Variants in NRG4 observed in about 807,000 individuals in gnomAD.
NRG4 encodes pro-neuregulin-4, membrane-bound isoform.
In NRG4, 10 loss-of-function variants were observed where a neutral mutation model predicts 15.0. That is an observed-to-expected ratio of 0.67 (90% CI 0.41 to 1.13). NRG4 has a LOEUF of 1.13. NRG4 is among the 50% of genes most tolerant of loss of function. NRG4 has a pLI of 0.00. For missense variants in NRG4, 139 were observed against 140.2 expected (o/e 0.99, Z 0.04); for synonymous variants, 41 against 50.1 (o/e 0.82, Z 0.77).
intron 5 of NRG4, among the ~76,000 whole-genome samples, chr15:76,023,377 T>G (rs1330083811): frequency 6.6e-6 from 1 of 152,204 alleles, no homozygotes; most frequent in African/African-American, 2.4e-5. Flanking sequence ...TCAGATTGAT[T>G]TGGAGACAGG....
At chr15:75,982,807 T>TGAGCCAAAGAGGGGATCCCC (rs1313761935) in intron 3 of NRG4, among the ~76,000 whole-genome samples, 2 of 152,292 alleles carry the variant, frequency 1.3e-5, no homozygotes, top group South Asian at 4.1e-4. Context: ...TGGGTGAGCA[T>TGAGCCAAAGAGGGGATCCCC]GAGCCAAAGA....
intron 1 of NRG4, among the ~76,000 whole-genome samples, chr15:76,059,092 T>C (rs898823379): frequency 2.6e-5 from 4 of 152,060 alleles, no homozygotes; most frequent in Admixed American, 6.5e-5. Context: ...ATACAGCACA[T>C]AAGCAGGTCG....
At chr15:76,044,679 C>T (rs1024253043) in intron 4 of NRG4, among the ~76,000 whole-genome samples, 5 of 148,774 alleles carry the variant, frequency 3.4e-5, no homozygotes, top group Non-Finnish European at 7.4e-5. Context: ...ACTAAAAATA[C>T]AAAAAATTAG....
At chr15:75,999,027 G>A (rs1451027238) in intron 3 of NRG4, among the ~76,000 whole-genome samples, 1 of 152,174 alleles carries the variant, frequency 6.6e-6, no homozygotes, top group Admixed American at 6.6e-5. Context: ...AGAAGAGACT[G>A]CTGTGGGCAT....
At chr15:75,993,324 C>T (rs77414266) in intron 3 of NRG4, among the ~76,000 whole-genome samples, 2,091 of 142,306 alleles carry the variant, frequency 0.015, 57 homozygotes, top group African/African-American at 0.052. Flanking sequence ...TCTCTTTTCT[C>T]CTTCTGGGTT....
intron 4 of NRG4, among the ~76,000 whole-genome samples, chr15:76,042,842 A>C (rs112925175): frequency 1.3e-3 from 192 of 152,230 alleles, no homozygotes; most frequent in Non-Finnish European, 2.3e-3. Flanking sequence ...AAACCAGATA[A>C]AAACACATTT....
chr15:76,044,273 ATTACAG>A lies in NRG4; in HGVS notation c.-105+7788_-105+7793del, dbSNP rs1378128138. 5.3e-5 allele frequency among the ~76,000 whole-genome samples: 8 copies of A among 150,484 alleles called. No individual in the cohort carries two copies. In the South Asian group the frequency reaches 1.3e-3, roughly 24 times the overall value. ...CGCCTCGGCCTCCCAAAGTGCTGGG[ATTACAG>A]GCGTGAGCCACCGCGCCCGGCCACA... On this transcript the variant is annotated intron_variant, in intron 4 of 8. Coordinates refer to the NRG4 transcript ENST00000563910.
At chr15:75,953,590 G>A (rs2032041721) in intron 5 of NRG4, among the ~76,000 whole-genome samples, 1 of 152,178 alleles carries the variant, frequency 6.6e-6, no homozygotes. Context: ...CTTTTAAGGT[G>A]TGTTATTTCT....
chr15:75,953,064 T>A (rs2032007508), intron 5 of NRG4, among the ~76,000 whole-genome samples: 5 of 152,196 alleles, frequency 3.3e-5, no homozygotes, highest in Admixed American at 3.3e-4. Flanking sequence ...TTGCTTGTAC[T>A]TTTAGAATCA....
At chr15:76,019,649 T>C (rs927588848) in intron 5 of NRG4, among the ~76,000 whole-genome samples, 4 of 152,258 alleles carry the variant, frequency 2.6e-5, no homozygotes, top group African/African-American at 9.6e-5. Context: ...CCACCCTGCT[T>C]TGGCTTGCCC....
At chr15:75,971,170 A>G (rs2141832605) in intron 3 of NRG4, 1 of 448,576 alleles carries the variant, frequency 2.2e-6, no homozygotes, top group African/African-American at 2.0e-5. Context: ...GATTACCTGT[A>G]CATATGTGTG....
chr15:76,050,497 A>AATGGCTC (rs1484097618), intron 4 of NRG4, among the ~76,000 whole-genome samples: 1 of 126,856 alleles, frequency 7.9e-6, no homozygotes, highest in Non-Finnish European at 1.6e-5. Flanking sequence ...GCTGGAGTGC[A>AATGGCTC]ATGGCTCACT....
intron 3 of NRG4, among the ~76,000 whole-genome samples, chr15:75,989,001 G>T (rs1009087132): frequency 6.6e-6 from 1 of 151,852 alleles, no homozygotes; most frequent in Admixed American, 6.6e-5. Flanking sequence ...GGGACTACAG[G>T]CACAGCCATC....
chr15:76,047,301 T>C lies in NRG4; in HGVS notation c.-105+4766A>G, dbSNP rs932328087. Among the ~76,000 whole-genome samples the C allele has an allele frequency of 1.0e-4, 15 of 150,700 alleles. 1 individual carries two copies. Among genetic ancestry groups the C allele is most frequent in the African/African-American group, 3.5e-4 (14 of 40,302 alleles). On this transcript the variant is annotated intron_variant, in intron 4 of 8. Transcript: ENST00000563910. ...ACATCCAAAAGAAAGGAAATCAATA[T>C]ATCAAAGGGCTATCTGCACTCCCGT...
chr15:76,003,501 G>C (rs2034487290), intron 3 of NRG4, among the ~76,000 whole-genome samples: 1 of 152,010 alleles, frequency 6.6e-6, no homozygotes, highest in Non-Finnish European at 1.5e-5. Context: ...AGAGAAAAAA[G>C]ACAAGGATAG....
intron 3 of NRG4, among the ~76,000 whole-genome samples, chr15:76,008,040 T>C (rs887471181): frequency 6.6e-6 from 1 of 152,236 alleles, no homozygotes; most frequent in Non-Finnish European, 1.5e-5. Context: ...AAATGTTCTA[T>C]ATCTAGATGT....
chr15:76,016,891 T>A (rs1012432441), upstream of NRG4, among the ~76,000 whole-genome samples: 5 of 151,984 alleles, frequency 3.3e-5, no homozygotes, highest in Non-Finnish European at 7.4e-5. Flanking sequence ...TATCCTTAAT[T>A]TTCTTTCTTG....
chr15:75,951,991 T>C (rs2031928405), intron 5 of NRG4, among the ~76,000 whole-genome samples: 1 of 152,216 alleles, frequency 6.6e-6, no homozygotes, highest in East Asian at 1.9e-4. Flanking sequence ...GAGGTTCTGG[T>C]GATGATAAAT....
chr15:75,938,913 AAG>A (rs554484538), downstream of NRG4: 15 of 152,200 alleles, frequency 9.9e-5, no homozygotes, highest in East Asian at 1.9e-4. Flanking sequence ...GGAAATTAAA[AAG>A]AGAAAAATGC....
Sources: allele counts gnomAD v4.1 joint callset (sites outside exome capture counted in the v4.1 genomes callset), GRCh38; gene constraint gnomAD v4.1.1; transcripts MANE v1.5; gene names NCBI Gene and HGNC (gene_info 2026-07-23, HGNC 2026-07-21).